Variants in WWC1 observed in about 807,000 individuals in gnomAD.
The protein encoded by WWC1 is WW and C2 domain containing 1.
Under a neutral mutation model 138.4 loss-of-function variants are expected in WWC1, and 55 were observed. That is an observed-to-expected ratio of 0.40 (90% CI 0.32 to 0.50). The LOEUF is 0.50. Ranked by LOEUF, WWC1 falls within the 20% of genes least tolerant of loss-of-function variation. The pLI, the probability that WWC1 is intolerant of heterozygous loss-of-function variation, is 0.72. For synonymous variants in WWC1, 524 were observed against 564.9 expected (o/e 0.93, Z 1.03); for missense variants, 1,226 against 1,420.4 (o/e 0.86, Z 2.20).
At chr5:168,404,410 A>C (rs114988053) in intron 5 of WWC1, among the ~76,000 whole-genome samples, 318 of 152,360 alleles carry the variant, frequency 2.1e-3, no homozygotes, top group African/African-American at 7.2e-3. Context: ...AGTCCTGGAA[A>C]GGAATAGACA....
chr5:168,389,383 G>A (rs1042917083), intron 3 of WWC1, among the ~76,000 whole-genome samples: 2 of 151,020 alleles, frequency 1.3e-5, no homozygotes, highest in Admixed American at 6.6e-5. Flanking sequence ...CCCAGGAGAC[G>A]GAGGTTGCAG....
chr5:168,366,351 A>G (rs1308864960), intron 1 of WWC1, among the ~76,000 whole-genome samples: 1 of 152,216 alleles, frequency 6.6e-6, no homozygotes. Flanking sequence ...ATAGCCTTCC[A>G]TAGGCACTTC....
intron 1 of WWC1, among the ~76,000 whole-genome samples, chr5:168,340,807 A>C (rs1217050527): frequency 6.6e-6 from 1 of 152,200 alleles, no homozygotes; most frequent in Non-Finnish European, 1.5e-5. Flanking sequence ...TTCACGTACA[A>C]ACTTTTGCAT....
intron 19 of WWC1, among the ~76,000 whole-genome samples, chr5:168,458,355 C>T (rs1016970631): frequency 1.3e-5 from 2 of 152,168 alleles, no homozygotes; most frequent in Non-Finnish European, 2.9e-5. Flanking sequence ...TGCTCAGAGC[C>T]ACCTCCTGAG....
At chr5:168,315,029 C>G (rs1425920276) in intron 1 of WWC1, among the ~76,000 whole-genome samples, 3 of 152,130 alleles carry the variant, frequency 2.0e-5, no homozygotes, top group Non-Finnish European at 4.4e-5. Flanking sequence ...GCTGCTGACA[C>G]CCCCCAGATT....
intron 7 of WWC1, 123 bp downstream of exon 7, chr5:168,408,776 G>C (rs1201972917): frequency 8.9e-6 from 12 of 1,343,138 alleles, no homozygotes; most frequent in Non-Finnish European, 1.2e-5. Flanking sequence ...TGCAGGGCTG[G>C]CTGCTGCCTC....
chr5:168,465,630 C>A (rs936483447), intron 21 of WWC1, among the ~76,000 whole-genome samples: 5 of 125,838 alleles, frequency 4.0e-5, no homozygotes, highest in African/African-American at 1.5e-4. Flanking sequence ...CATGATGGCT[C>A]ACTGCAACCT....
intron 1 of WWC1, among the ~76,000 whole-genome samples, chr5:168,331,388 T>C (rs1773019760): frequency 6.6e-6 from 1 of 152,218 alleles, no homozygotes; most frequent in African/African-American, 2.4e-5. Context: ...AATAGCTGCT[T>C]CTCCAGGACC....
intron 1 of WWC1, among the ~76,000 whole-genome samples, chr5:168,313,058 T>G (rs1771260057): frequency 6.6e-6 from 1 of 151,938 alleles, no homozygotes; most frequent in African/African-American, 2.4e-5. Flanking sequence ...TTCACCCGCC[T>G]CGGCCTCACA....
chr5:168,457,916 AAG>A (rs1433220403), intron 19 of WWC1, among the ~76,000 whole-genome samples: 1 of 152,166 alleles, frequency 6.6e-6, no homozygotes, highest in Admixed American at 6.5e-5. Context: ...GTTTCAATTC[AAG>A]AGACAATAGT....
rs1770864540 is a variant in WWC1, at chr5:168,309,393, G to GT, written c.119+17122_119+17123insT. On this transcript the variant is annotated intron_variant, in intron 1 of 22. Transcript: ENST00000265293. ...GCCTTTTTTGCCATTACCGTGAGAC[G>GT]GTATCTCTGTAATGATTACAACATA... Among the ~76,000 whole-genome samples the GT allele has an allele frequency of 2.6e-5, 4 of 152,122 alleles. No homozygotes were observed. The South Asian group carries it at 6.2e-4, about 24-fold the overall frequency.
intron 1 of WWC1, among the ~76,000 whole-genome samples, chr5:168,366,366 T>C (rs762506951): frequency 4.6e-5 from 7 of 152,246 alleles, no homozygotes; most frequent in African/African-American, 1.7e-4. Flanking sequence ...CACTTCCTTG[T>C]TTCCCATGGA....
chr5:168,438,588 C>T (rs1051074240), intron 15 of WWC1, among the ~76,000 whole-genome samples: 4 of 152,106 alleles, frequency 2.6e-5, no homozygotes, highest in Admixed American at 2.6e-4. Context: ...CACTTGGCTA[C>T]AGGTCCATTT....
At chr5:168,426,954 G>A (rs1781551742) in intron 11 of WWC1, among the ~76,000 whole-genome samples, 1 of 152,230 alleles carries the variant, frequency 6.6e-6, no homozygotes, top group African/African-American at 2.4e-5. Flanking sequence ...TCATTACTTG[G>A]GCAAGGAAGG....
chr5:168,464,445 A>G (rs1476871241), intron 20 of WWC1, among the ~76,000 whole-genome samples: 1 of 152,184 alleles, frequency 6.6e-6, no homozygotes, highest in Non-Finnish European at 1.5e-5. Flanking sequence ...TAACCTCTGC[A>G]TGCCTCATCT....
chr5:168,359,268 A>T lies in WWC1; in HGVS notation c.120-12156A>T, dbSNP rs542410704. 2.6e-5 allele frequency among the ~76,000 whole-genome samples: 4 copies of T among 152,188 alleles called. No individual in the cohort carries two copies. In the East Asian group the frequency reaches 5.8e-4, roughly 22 times the overall value. ...AGGGTTCCACCATGTTGCCCGGGCT[A>T]GTGTTGCACTCCTGAGCTCAGGTGA... On this transcript the variant is annotated intron_variant, in intron 1 of 22. Coordinates refer to ENST00000265293, the MANE Select transcript of WWC1 (RefSeq NM_015238.3).
intron 8 of WWC1, chr5:168,412,250 C>T (rs558307937): frequency 2.5e-5 from 24 of 950,318 alleles, no homozygotes; most frequent in South Asian, 4.9e-5. Flanking sequence ...CCCCTCCACC[C>T]GAAGCTCATT....
chr5:168,377,498 A>G (rs904669807), intron 2 of WWC1, among the ~76,000 whole-genome samples: 3 of 152,206 alleles, frequency 2.0e-5, no homozygotes, highest in Admixed American at 2.0e-4. Flanking sequence ...CAGAAAACCT[A>G]TGGAGTGGGA....
intron 9 of WWC1, among the ~76,000 whole-genome samples, chr5:168,416,886 G>A (rs1185919824): frequency 6.6e-6 from 1 of 151,616 alleles, no homozygotes; most frequent in African/African-American, 2.4e-5. Flanking sequence ...TATTTTTTTC[G>A]AGATGGAGTC....
Sources: allele counts gnomAD v4.1 joint callset (sites outside exome capture counted in the v4.1 genomes callset), GRCh38; gene constraint gnomAD v4.1.1; transcripts MANE v1.5; gene names NCBI Gene and HGNC (gene_info 2026-07-23, HGNC 2026-07-21).